The following B3GALT1 variants were observed in gnomAD, a reference collection of about 807,000 sequenced individuals.
B3GALT1 encodes beta-1,3-galactosyltransferase 1.
In B3GALT1, 10 loss-of-function variants were observed where a neutral mutation model predicts 23.2. The ratio of observed to expected loss-of-function variants is 0.43; its 90% confidence interval spans 0.27 to 0.73. The LOEUF (loss-of-function observed/expected upper bound fraction) is 0.73. Among genes scored for constraint, B3GALT1 ranks in the 30% least tolerant of loss-of-function variants. The pLI is 0.21. For synonymous variants in B3GALT1, 156 were observed against 141.5 expected (o/e 1.10, Z -0.73); for missense variants, 299 against 405.4 (o/e 0.74, Z 2.25).
chr2:167,762,474 A>T (rs1166093235), intron 3 of B3GALT1, among the ~76,000 whole-genome samples: 3 of 152,094 alleles, frequency 2.0e-5, no homozygotes, highest in African/African-American at 7.2e-5. Context: ...GCAGGCCACT[A>T]CTACCTCTGC....
intron 4 of B3GALT1, among the ~76,000 whole-genome samples, chr2:167,861,949 G>A (rs1690109579): frequency 6.6e-6 from 1 of 152,146 alleles, no homozygotes; most frequent in Non-Finnish European, 1.5e-5. Flanking sequence ...TAAGAAACTG[G>A]AGACATTCCT....
chr2:167,353,208 T>G (rs1697345085), intron 1 of B3GALT1, among the ~76,000 whole-genome samples: 1 of 152,178 alleles, frequency 6.6e-6, no homozygotes, highest in Non-Finnish European at 1.5e-5. Context: ...AAAAGAAAAC[T>G]GAATATATAC....
At chr2:167,593,826 T>A (rs1207814918) in intron 2 of B3GALT1, among the ~76,000 whole-genome samples, 1 of 151,978 alleles carries the variant, frequency 6.6e-6, no homozygotes, top group African/African-American at 2.4e-5. Flanking sequence ...AATGATGGAT[T>A]TAAAGTAATA....
At chr2:167,594,934 G>T (rs1054503844) in intron 2 of B3GALT1, among the ~76,000 whole-genome samples, 2 of 151,926 alleles carry the variant, frequency 1.3e-5, no homozygotes, top group Non-Finnish European at 2.9e-5. Flanking sequence ...ACAAAAACTT[G>T]GATAATGGAC....
At chr2:167,611,323 TGA>T (rs1685062672) in intron 2 of B3GALT1, among the ~76,000 whole-genome samples, 1 of 152,010 alleles carries the variant, frequency 6.6e-6, no homozygotes, top group African/African-American at 2.4e-5. Context: ...TTTAAATAAC[TGA>T]GCTTTTTACA....
At chr2:167,562,497 G>A (rs1442523326) in intron 2 of B3GALT1, among the ~76,000 whole-genome samples, 1 of 151,986 alleles carries the variant, frequency 6.6e-6, no homozygotes, top group Non-Finnish European at 1.5e-5. Context: ...TATTCAATTA[G>A]GAAAAGAGGA....
At chr2:167,519,408 CAATTAA>C (rs1244675074) in intron 2 of B3GALT1, among the ~76,000 whole-genome samples, 9 of 151,566 alleles carry the variant, frequency 5.9e-5, no homozygotes, top group African/African-American at 2.2e-4. Flanking sequence ...CTAAGATAAA[CAATTAA>C]ATTTAATTTA....
At chr2:167,563,433 GAC>G (rs1388184665) in intron 2 of B3GALT1, among the ~76,000 whole-genome samples, 5 of 126,508 alleles carry the variant, frequency 4.0e-5, no homozygotes, top group Admixed American at 7.4e-5. Context: ...CTCCCTCCCG[GAC>G]AGGGGCGGCT....
intron 2 of B3GALT1, among the ~76,000 whole-genome samples, chr2:167,592,057 GCCTGAGCTAGAAATGTTA>G (rs1450593583): frequency 3.3e-5 from 5 of 152,100 alleles, no homozygotes; most frequent in African/African-American, 1.2e-4. Context: ...TAAGGTTCTG[GCCTGAGCTAGAAATGTTA>G]CCATTATCTG....
chr2:167,577,266 C>T (rs1354027350), intron 2 of B3GALT1, among the ~76,000 whole-genome samples: 1 of 151,730 alleles, frequency 6.6e-6, no homozygotes, highest in Non-Finnish European at 1.5e-5. Flanking sequence ...TTAAGAAATG[C>T]CTTAGTACAT....
chr2:167,312,801 TC>T (rs1201515211), intron 1 of B3GALT1, among the ~76,000 whole-genome samples: 4 of 152,098 alleles, frequency 2.6e-5, no homozygotes, highest in Admixed American at 6.6e-5. Context: ...ACAGTTCTTT[TC>T]AAGATAGCAC....
chr2:167,405,315 A>C (rs1434661269), intron 1 of B3GALT1, among the ~76,000 whole-genome samples: 2 of 152,170 alleles, frequency 1.3e-5, no homozygotes, highest in Non-Finnish European at 2.9e-5. Flanking sequence ...ATGTTTTAAT[A>C]ATACTTTTAA....
At chr2:167,350,888 C>A (rs190199298) in intron 1 of B3GALT1, among the ~76,000 whole-genome samples, 4 of 152,320 alleles carry the variant, frequency 2.6e-5, no homozygotes, top group Non-Finnish European at 5.9e-5. Flanking sequence ...CTGATCTCTT[C>A]CCTGGGTATT....
At chr2:167,408,286 G>C (rs528274074) in intron 1 of B3GALT1, among the ~76,000 whole-genome samples, 133 of 152,218 alleles carry the variant, frequency 8.7e-4, no homozygotes, top group African/African-American at 3.1e-3. Context: ...TATTTGAATA[G>C]ATGCTGAAAA....
chr2:167,774,940 G>C (rs1688136665), intron 3 of B3GALT1, among the ~76,000 whole-genome samples: 1 of 152,174 alleles, frequency 6.6e-6, no homozygotes, highest in South Asian at 2.1e-4. Context: ...TTGCCTATCA[G>C]AGCAGAAGCA....
At chr2:167,302,594 G>A (rs1375753723) in intron 1 of B3GALT1, among the ~76,000 whole-genome samples, 1 of 151,972 alleles carries the variant, frequency 6.6e-6, no homozygotes, top group Non-Finnish European at 1.5e-5. Context: ...AACTTAAGAT[G>A]TATTTGCATT....
At chr2:167,458,617 C>G (rs1248633101) in intron 1 of B3GALT1, among the ~76,000 whole-genome samples, 1 of 152,160 alleles carries the variant, frequency 6.6e-6, no homozygotes. Context: ...TAAACACTTG[C>G]TATTTTCTGT....
chr2:167,697,372 G>A (rs1474433277), intron 3 of B3GALT1, among the ~76,000 whole-genome samples: 1 of 152,166 alleles, frequency 6.6e-6, no homozygotes, highest in Non-Finnish European at 1.5e-5. Context: ...CCACACCTGG[G>A]CTGTGATGGT....
At chr2:167,532,847 A>G (rs1324553065) in intron 2 of B3GALT1, among the ~76,000 whole-genome samples, 1 of 139,278 alleles carries the variant, frequency 7.2e-6, no homozygotes, top group African/African-American at 2.7e-5. Context: ...AGACAGTTTT[A>G]CTGCATCTTT....
Sources: gnomAD v4.1 joint callset for allele counts (sites outside exome capture counted in the v4.1 genomes callset) on GRCh38, gnomAD v4.1.1 for gene constraint, MANE v1.5 for transcripts, NCBI Gene and HGNC (gene_info 2026-07-23, HGNC 2026-07-21) for gene names.